PRKD3: variants seen among roughly 807,000 people sequenced by gnomAD.
The protein encoded by PRKD3 is serine/threonine-protein kinase D3.
Under a neutral mutation model 99.2 loss-of-function variants are expected in PRKD3, and 47 were observed. The observed-to-expected ratio is 0.47, with a 90% CI of 0.38 to 0.60. PRKD3 has a LOEUF of 0.60. Among genes scored for constraint, PRKD3 ranks in the 20% least tolerant of loss-of-function variants. The probability of loss-of-function intolerance (pLI) is 0.00; values close to 1 mark genes in which losing one functional copy is unlikely to be tolerated. For missense variants in PRKD3, 1,019 were observed against 1,088.4 expected (o/e 0.94, Z 0.90); for synonymous variants, 392 against 355.4 (o/e 1.10, Z -1.16).
intron 2 of PRKD3, among the ~76,000 whole-genome samples, chr2:37,293,578 C>T (rs1483296118): frequency 6.6e-6 from 1 of 152,226 alleles, no homozygotes; most frequent in African/African-American, 2.4e-5. Flanking sequence ...CTTACTGCTA[C>T]TCCACTCTTA....
At position 37,290,964 on chromosome 2, in the gene PRKD3, G is replaced by C; in HGVS notation, c.463C>G (p.His155Asp). Reference sequence around the variant, plus strand: ...TTGTAAGAATGTACATAGAGAGTATGTGGACGAATCTGGAAGTCTTCTACT... The same window carrying C: ...TTGTAAGAATGTACATAGAGAGTATCTGGACGAATCTGGAAGTCTTCTACT... Reference protein sequence around the residue: ...ATVEDFQIRPHTLYVHSYKAP... With the variant: ...ATVEDFQIRPDTLYVHSYKAP... The change falls in exon 4 of 19, where the codon CAT becomes GAT. Residue 155 changes from histidine to aspartate, a missense_variant. His to Asp is a moderately conservative substitution (Grantham distance 81, BLOSUM62 -1). Around this residue, in one of 3 missense-constraint regions of PRKD3, gnomAD observed 710 missense variants for 692.7 expected, o/e 1.02. Transcript: ENST00000234179. 1 of 1,608,662 alleles carries C rather than the reference G, an allele frequency of 6.2e-7. No individual in the cohort carries two copies. The highest frequency in any genetic ancestry group is 8.5e-7 in the Non-Finnish European group (1 of 1,175,688).
At chr2:37,307,769 G>C (rs1250132459) in intron 2 of PRKD3, among the ~76,000 whole-genome samples, 1 of 152,162 alleles carries the variant, frequency 6.6e-6, no homozygotes, top group African/African-American at 2.4e-5. Context: ...TCCACCCTTG[G>C]GGTGTGTAAT....
Position 37,275,799 on chromosome 2 carries a change from A to G in PRKD3, c.1342T>C (p.Phe448Leu). 6.2e-7 allele frequency: 1 copy of G among 1,610,410 alleles called. No homozygotes were observed. Among genetic ancestry groups the G allele is most frequent in the Non-Finnish European group, 8.5e-7 (1 of 1,178,330 alleles). Residue 448 changes from phenylalanine to leucine, a missense_variant, in exon 10 of 19, where the codon TTT becomes CTT. Around this residue, in one of 3 missense-constraint regions of PRKD3, gnomAD observed 710 missense variants for 692.7 expected, o/e 1.02. Coordinates refer to ENST00000234179, the MANE Select transcript of PRKD3 (RefSeq NM_005813.6). ...WRLDSKCLTL[F>L]QNESGSKYYK... ...TACTTTGATCCAGATTCATTCTGAA[A>G]TAATGTTAGACATTTGCTGTCAAGT...
chr2:37,316,667 A>C lies in PRKD3; in HGVS notation c.-143T>G. On this transcript the variant is annotated 5_prime_UTR_variant, in exon 2 of 19. It removes an upstream start codon present in the reference 5' UTR. Coordinates refer to ENST00000234179, the MANE Select transcript of PRKD3 (RefSeq NM_005813.6). Reference sequence around the variant, plus strand: ...CTTTATTTCCTCTGTTAAGCCACTCATGCCGATACTTTTAAGTTTTATCAA... The same window carrying C: ...CTTTATTTCCTCTGTTAAGCCACTCCTGCCGATACTTTTAAGTTTTATCAA... 6.9e-7 allele frequency: 1 copy of C among 1,442,964 alleles called. No individual in the cohort carries two copies. Among genetic ancestry groups the C allele is most frequent in the Non-Finnish European group, 9.0e-7 (1 of 1,105,628 alleles). 89.4% of individuals were successfully genotyped at this position (1,442,964 alleles called of 1,614,324 possible).
At chr2:37,290,757 T>C in intron 4 of PRKD3, 111 bp downstream of exon 4, 2 of 1,227,518 alleles carry the variant, frequency 1.6e-6, no homozygotes, top group Non-Finnish European at 2.3e-6. Context: ...CAATTCTAAA[T>C]CCTCGTTACC....
chr2:37,286,553 C>G (rs1670105236), intron 5 of PRKD3, among the ~76,000 whole-genome samples, 184 bp from the exon 6 acceptor site: 1 of 152,122 alleles, frequency 6.6e-6, no homozygotes, highest in African/African-American at 2.4e-5. Flanking sequence ...AATGCAGATT[C>G]TTTTTGCTAA....
In PRKD3 at chr2:37,256,653, T is replaced by TAAC; in HGVS notation, c.2413+8_2413+9insGTT. On this transcript the variant is annotated intron_variant, in intron 17 of 18. Coordinates refer to ENST00000234179, the MANE Select transcript of PRKD3 (RefSeq NM_005813.6). ...ATTTTTTTTTTTTTTTTTTTTTTTT[T>TAAC]TTTTTTACCTTCACCAGAAATTTCT... The TAAC allele has an allele frequency of 7.1e-7, 1 of 1,404,692 alleles. No individual in the cohort carries two copies. Among genetic ancestry groups the TAAC allele is most frequent in the Non-Finnish European group, 9.3e-7 (1 of 1,079,508 alleles). The allele number at this position is 1,404,692 out of a possible 1,614,324, so 87.0% of individuals were successfully genotyped here.
At chr2:37,261,956 T>TTAG (rs1354793229) in intron 14 of PRKD3, among the ~76,000 whole-genome samples, 1 of 152,172 alleles carries the variant, frequency 6.6e-6, no homozygotes, top group Non-Finnish European at 1.5e-5. Context: ...ATTCAACACA[T>TTAG]TAGTGTAAAA....
chr2:37,267,693 A>G, intron 13 of PRKD3, 157 bp from the exon 14 acceptor site: 1 of 594,748 alleles, frequency 1.7e-6, no homozygotes, highest in South Asian at 2.2e-5. Flanking sequence ...TTAATTTAGG[A>G]AAAAATTGTT....
At chr2:37,280,003 A>G (rs535951788) in intron 7 of PRKD3, 74 bp from the exon 8 acceptor site, 205 of 1,022,356 alleles carry the variant, frequency 2.0e-4, no homozygotes, top group Non-Finnish European at 2.6e-4. Context: ...AAAAGTCTTA[A>G]GAGTCTTAAA....
Position 37,296,159 on chromosome 2 carries a change from A to C in PRKD3, c.289-2888T>G, listed in dbSNP as rs1670665762. 1.3e-5 allele frequency among the ~76,000 whole-genome samples: 2 copies of C among 152,248 alleles called. 1 individual carries two copies. Among genetic ancestry groups the C allele is most frequent in the South Asian group, 4.1e-4 (2 of 4,834 alleles). On this transcript the variant is annotated intron_variant, in intron 2 of 18. Coordinates refer to ENST00000234179, the MANE Select transcript of PRKD3 (RefSeq NM_005813.6). The stretch of plus-strand genomic sequence containing the variant: ...TCATCAATAAATCATATGGCTCATC[A>C]ATACTGTTTTGACCAAACCAGAAGT...
At chr2:37,311,493 C>A (rs1183749697) in intron 2 of PRKD3, among the ~76,000 whole-genome samples, 1 of 152,060 alleles carries the variant, frequency 6.6e-6, no homozygotes, top group Non-Finnish European at 1.5e-5. Context: ...TGAAGCAAAG[C>A]CATAACAGAT....
At chr2:37,293,710 T>C (rs958654947) in intron 2 of PRKD3, among the ~76,000 whole-genome samples, 1 of 152,180 alleles carries the variant, frequency 6.6e-6, no homozygotes, top group Non-Finnish European at 1.5e-5. Flanking sequence ...TCATAGAATA[T>C]CCTTTAATAA....
intron 2 of PRKD3, among the ~76,000 whole-genome samples, chr2:37,315,980 C>T (rs1490292933): frequency 6.6e-6 from 1 of 152,226 alleles, no homozygotes; most frequent in Non-Finnish European, 1.5e-5. Context: ...CTGCCTCAGC[C>T]TCCCAAAGTG....
rs1012280842 is a variant in PRKD3 at position 37,294,483 on chromosome 2, G to A, written c.289-1212C>T. Among the ~76,000 whole-genome samples the A allele has an allele frequency of 2.6e-5, 4 of 152,210 alleles. No homozygotes were observed. In the East Asian group the frequency reaches 7.7e-4, roughly 29 times the overall value. ...TACAAGTTTATAGTTTTTGTAACCA[G>A]GGTAAATAATGGGAAAGTACAGAAA... On this transcript the variant is annotated intron_variant, in intron 2 of 18. Coordinates refer to ENST00000234179, the MANE Select transcript of PRKD3 (RefSeq NM_005813.6).
chr2:37,260,295 A>G lies in PRKD3; in HGVS notation c.1974T>C (p.Asp658=). ...VFVVMEKLHG[D]MLEMILSSEK... Reference sequence around the variant, plus strand: ...CACTGGATAGAATCATTTCCAACATATCTCCATGCAGCTTTTCCATTACTA... The same window carrying G: ...CACTGGATAGAATCATTTCCAACATGTCTCCATGCAGCTTTTCCATTACTA... The change falls in exon 15 of 19, where the codon GAT becomes GAC. Residue 658 remains aspartate, a synonymous_variant. Transcript: ENST00000234179. 2 of 1,608,992 alleles carry G rather than the reference A, an allele frequency of 1.2e-6. No homozygotes were observed. Among genetic ancestry groups the G allele is most frequent in the Non-Finnish European group, 1.7e-6 (2 of 1,175,492 alleles).
chr2:37,320,159 G>T (rs1255767332), intron 1 of PRKD3, among the ~76,000 whole-genome samples: 3 of 152,122 alleles, frequency 2.0e-5, no homozygotes, highest in African/African-American at 7.2e-5. Flanking sequence ...TTCCAGAAAA[G>T]AAACAAGAAT....
chr2:37,311,992 C>T (rs1004857619), intron 2 of PRKD3, among the ~76,000 whole-genome samples: 2 of 152,202 alleles, frequency 1.3e-5, no homozygotes, highest in Non-Finnish European at 2.9e-5. Flanking sequence ...CTACATGCAT[C>T]GAGTTTGTAA....
chr2:37,277,527 T>G (rs1669636281), intron 9 of PRKD3, among the ~76,000 whole-genome samples: 1 of 152,222 alleles, frequency 6.6e-6, no homozygotes, highest in Non-Finnish European at 1.5e-5. Flanking sequence ...CCTTCCTATC[T>G]TTGGTAATAA....
Sources: gnomAD v4.1 joint callset for allele counts (sites outside exome capture counted in the v4.1 genomes callset) on GRCh38, gnomAD v4.1.1 for gene constraint, gnomAD v4.1.1 regional missense constraint, MANE v1.5 for transcripts, NCBI Gene and HGNC (gene_info 2026-07-23, HGNC 2026-07-21) for gene names.